DOCK1: variants seen among roughly 807,000 people sequenced by gnomAD.
DOCK1 encodes the protein dedicator of cytokinesis 1.
Under a neutral mutation model 262.7 loss-of-function variants are expected in DOCK1, and 138 were observed. The ratio of observed to expected loss-of-function variants is 0.53; its 90% CI spans 0.46 to 0.61. The LOEUF (loss-of-function observed/expected upper bound fraction) is 0.61. Among genes scored for constraint, DOCK1 ranks in the 20% least tolerant of loss-of-function variants. The probability of loss-of-function intolerance (pLI) is 0.00; values close to 1 mark genes in which losing one functional copy is unlikely to be tolerated. For synonymous variants in DOCK1, 866 were observed against 867.4 expected (o/e 1.00, Z 0.03); for missense variants, 1,908 against 2,370.7 (o/e 0.80, Z 4.05).
At chr10:127,265,444 A>C (rs1180630314) in intron 29 of DOCK1, among the ~76,000 whole-genome samples, 1 of 151,726 alleles carries the variant, frequency 6.6e-6, no homozygotes, top group Non-Finnish European at 1.5e-5. Flanking sequence ...TGATGCTTGC[A>C]GTCTGCAAAG....
chr10:126,941,943 T>G (rs2035042433), intron 1 of DOCK1, among the ~76,000 whole-genome samples: 1 of 152,210 alleles, frequency 6.6e-6, no homozygotes, highest in African/African-American at 2.4e-5. Context: ...TAAGCTGCTT[T>G]GTTTAAAGGA....
chr10:126,956,818 T>A lies in DOCK1; in HGVS notation c.47-13884T>A, dbSNP rs1350661464. ...CCATGTCTTGATTCCAGAGGCTGAG[T>A]GCTTGGCTCAGAGGGAGGGAGTGGC... On this transcript the variant is annotated intron_variant, in intron 1 of 51. Coordinates refer to ENST00000623213, the MANE Select transcript of DOCK1 (RefSeq NM_001290223.2). Among the ~76,000 whole-genome samples, 6 of 152,214 alleles carry A rather than the reference T, an allele frequency of 3.9e-5. No homozygotes were observed. In the South Asian group the frequency reaches 8.3e-4, roughly 21 times the overall value.
chr10:127,275,757 T>C (rs2060718066), intron 29 of DOCK1, among the ~76,000 whole-genome samples: 1 of 75,972 alleles, frequency 1.3e-5, no homozygotes, highest in Admixed American at 1.6e-4. Flanking sequence ...AACCTGTGTG[T>C]AGATGTAGGT....
chr10:127,122,746 A>G lies in DOCK1; in HGVS notation c.2624-2728A>G, dbSNP rs114034915. ...TGTTTCTCATCAGGAGAGGCTGGAT[A>G]GCAAACAGGTGAAGGTAGCGCAGTC... On this transcript the variant is annotated intron_variant, in intron 25 of 51. Coordinates refer to ENST00000623213, the MANE Select transcript of DOCK1 (RefSeq NM_001290223.2). Among the ~76,000 whole-genome samples the G allele has an allele frequency of 5.8e-3, 877 of 152,180 alleles. 3 individuals carry two copies. Among genetic ancestry groups the G allele is most frequent in the African/African-American group, 0.011 (468 of 41,512 alleles).
At chr10:127,211,344 A>G (rs1311633438) in intron 27 of DOCK1, among the ~76,000 whole-genome samples, 1 of 152,196 alleles carries the variant, frequency 6.6e-6, no homozygotes, top group African/African-American at 2.4e-5. Context: ...TCATAAAAGG[A>G]GAGACACTCC....
chr10:127,360,096 C>A (rs1411201458), intron 32 of DOCK1, among the ~76,000 whole-genome samples: 1 of 152,188 alleles, frequency 6.6e-6, no homozygotes, highest in African/African-American at 2.4e-5. Context: ...CTCTGAGTTT[C>A]ATTATGTCAC....
At chr10:127,318,228 G>A (rs1415590574) in intron 29 of DOCK1, among the ~76,000 whole-genome samples, 5 of 152,238 alleles carry the variant, frequency 3.3e-5, no homozygotes, top group Non-Finnish European at 7.3e-5. Flanking sequence ...GCTGGGCAGA[G>A]TGCTAGAAGA....
intron 48 of DOCK1, among the ~76,000 whole-genome samples, chr10:127,435,446 T>C (rs1271594360): frequency 6.6e-6 from 1 of 152,200 alleles, no homozygotes; most frequent in Non-Finnish European, 1.5e-5. Context: ...TATTTTTTCT[T>C]AACAGTAATT....
intron 27 of DOCK1, among the ~76,000 whole-genome samples, chr10:127,200,863 C>G (rs574531120): frequency 1.6e-4 from 25 of 152,240 alleles, no homozygotes; most frequent in East Asian, 7.7e-4. Context: ...AGAATGCAGC[C>G]CAGTAAGTCT....
intron 1 of DOCK1, among the ~76,000 whole-genome samples, chr10:126,965,800 T>C (rs2037630843): frequency 6.6e-6 from 1 of 152,218 alleles, no homozygotes; most frequent in Non-Finnish European, 1.5e-5. Context: ...GGGTACACCT[T>C]CATGTGGTAC....
intron 15 of DOCK1, 30 bp from the exon 16 acceptor site, chr10:127,026,320 CAG>C (rs2135480683): frequency 6.5e-7 from 1 of 1,543,728 alleles, no homozygotes; most frequent in East Asian, 2.4e-5. Flanking sequence ...ATATTGATAA[CAG>C]TGCTTAAACT....
intron 1 of DOCK1, among the ~76,000 whole-genome samples, chr10:126,925,661 C>T (rs1460875740): frequency 2.6e-5 from 4 of 152,064 alleles, no homozygotes; most frequent in East Asian, 1.9e-4. Flanking sequence ...GGATTACAGG[C>T]GTGAGCCACC....
chr10:127,008,910 T>G (rs2041223496), intron 11 of DOCK1, 106 bp downstream of exon 11: 1 of 1,122,424 alleles, frequency 8.9e-7, no homozygotes, highest in East Asian at 2.6e-5. Context: ...AAGGATTGAT[T>G]ATTTTGTAAT....
intron 1 of DOCK1, among the ~76,000 whole-genome samples, chr10:126,914,010 A>C (rs7097968): frequency 0.25 from 38,035 of 152,134 alleles, 5,430 homozygotes; most frequent in East Asian, 0.52. Flanking sequence ...TCTGTGCTTG[A>C]TAATGTTAGT....
chr10:127,052,920 T>A (rs2044840036), intron 22 of DOCK1, 105 bp downstream of exon 22: 2 of 1,458,644 alleles, frequency 1.4e-6, no homozygotes, highest in African/African-American at 2.8e-5. Flanking sequence ...CCTTTCTTCT[T>A]CCCCCTTTTT....
intron 27 of DOCK1, among the ~76,000 whole-genome samples, chr10:127,183,829 T>A (rs1281676560): frequency 6.6e-6 from 1 of 152,344 alleles, no homozygotes; most frequent in East Asian, 1.9e-4. Flanking sequence ...AAAATCTACC[T>A]CTTATCAATC....
At chr10:127,149,581 G>A (rs935521541) in intron 27 of DOCK1, among the ~76,000 whole-genome samples, 8 of 152,134 alleles carry the variant, frequency 5.3e-5, no homozygotes, top group African/African-American at 7.2e-5. Flanking sequence ...CTGGAAACAC[G>A]GTGGATAGCT....
intron 29 of DOCK1, among the ~76,000 whole-genome samples, chr10:127,274,335 G>A (rs1051001302): frequency 1.1e-4 from 16 of 152,200 alleles, no homozygotes; most frequent in South Asian, 6.2e-4. Context: ...CTGGGCTTAC[G>A]GTGATAGCCC....
chr10:126,984,590 A>T (rs2039223948), intron 4 of DOCK1, among the ~76,000 whole-genome samples: 1 of 151,116 alleles, frequency 6.6e-6, no homozygotes, highest in Middle Eastern at 3.4e-3. Flanking sequence ...GCTGGTCTTG[A>T]ACTTCTGACC....
Sources: allele counts gnomAD v4.1 joint callset (sites outside exome capture counted in the v4.1 genomes callset), GRCh38; gene constraint gnomAD v4.1.1; transcripts MANE v1.5; gene names NCBI Gene and HGNC (gene_info 2026-07-23, HGNC 2026-07-21).